TNC: variants seen among roughly 807,000 people sequenced by gnomAD.
The protein encoded by TNC is tenascin C.
In TNC, 109 loss-of-function variants were observed where a neutral mutation model predicts 202.4. The ratio of observed to expected loss-of-function variants is 0.54; its 90% CI spans 0.46 to 0.63. The LOEUF (loss-of-function observed/expected upper bound fraction) is 0.63, where lower values mean the gene tolerates loss of function less well. Ranked by LOEUF, TNC falls within the 30% of genes least tolerant of loss-of-function variation. The pLI, the probability that TNC is intolerant of heterozygous loss-of-function variation, is 0.00. For synonymous variants in TNC, 1,007 were observed against 1,089.7 expected (o/e 0.92, Z 1.50); for missense variants, 2,756 against 2,833.3 (o/e 0.97, Z 0.62).
At position 115,109,506 on chromosome 9, in the gene TNC, G is replaced by A. The variant is rs1836876677; in HGVS notation, c.-137+8476C>T. 3.3e-5 allele frequency among the ~76,000 whole-genome samples: 5 copies of A among 152,148 alleles called. No individual in the cohort carries two copies. In the South Asian group the frequency reaches 1.0e-3, roughly 32 times the overall value. On this transcript the variant is annotated intron_variant, in intron 1 of 27. Transcript: ENST00000350763. ...TCTTGTGGGCTGTGAGCTTCTCCATGTCCTAAGATAGAGAGCTCTTTGTCT... is the reference window on the plus strand; with the variant it reads ...TCTTGTGGGCTGTGAGCTTCTCCATATCCTAAGATAGAGAGCTCTTTGTCT...
At chr9:115,087,711 T>TC (rs1834899396) in intron 2 of TNC, among the ~76,000 whole-genome samples, 1 of 147,878 alleles carries the variant, frequency 6.8e-6, no homozygotes, top group African/African-American at 2.5e-5. Flanking sequence ...TTTTTTTTTT[T>TC]TTTTTTTTGA....
At chr9:115,075,556 G>A (rs1411735581) in intron 9 of TNC, among the ~76,000 whole-genome samples, 1 of 152,152 alleles carries the variant, frequency 6.6e-6, no homozygotes, top group African/African-American at 2.4e-5. Flanking sequence ...GGAGGCCGAG[G>A]TGGGCGGATC....
rs1372347098 is a variant in TNC at position 115,090,644 on chromosome 9, T to C, written c.375A>G (p.Arg125=). Residue 125 remains arginine (R), a synonymous_variant, in exon 2 of 28, where the codon AGA becomes AGG. Coordinates refer to ENST00000350763, the MANE Select transcript of TNC (RefSeq NM_002160.4). ...AAPDVKELLS[R]LEELENLVSS... ...ACACCAGGTTCTCCAGCTCCTCCAG[T>C]CTGCTCAGCAGCTCCTTAACATCAG... The C allele has an allele frequency of 1.9e-6, 3 of 1,613,268 alleles. No individual in the cohort carries two copies. The highest frequency in any genetic ancestry group is 2.5e-6 in the Non-Finnish European group (3 of 1,179,346).
chr9:115,024,420 G>A (rs1412641462), intron 26 of TNC, among the ~76,000 whole-genome samples: 1 of 152,156 alleles, frequency 6.6e-6, no homozygotes, highest in Non-Finnish European at 1.5e-5. Flanking sequence ...CTGTGACCTT[G>A]CACAAGTCAA....
At chr9:115,109,791 A>G (rs1836899850) in intron 1 of TNC, among the ~76,000 whole-genome samples, 1 of 152,214 alleles carries the variant, frequency 6.6e-6, no homozygotes, top group Non-Finnish European at 1.5e-5. Flanking sequence ...TCCTCCTATC[A>G]CATGTTGTGT....
chr9:115,024,484 T>C (rs1829324507), intron 26 of TNC, among the ~76,000 whole-genome samples: 1 of 152,224 alleles, frequency 6.6e-6, no homozygotes, highest in African/African-American at 2.4e-5. Flanking sequence ...AGCACTTTGA[T>C]TCTATATACT....
In TNC at chr9:115,020,212, A is replaced by ATT. The variant is rs34728754; in HGVS notation, c.*943_*944dup. ...CGCACTACCACGCTTGCCTAATTAA[A>ATT]TTTTTTTTTTTTTTTTTTTCTGTAG... On this transcript the variant is annotated 3_prime_UTR_variant, in exon 28 of 28. Transcript: ENST00000350763. 1,685 of 128,362 alleles carry ATT rather than the reference A, an allele frequency of 0.013. 29 individuals are homozygous for ATT. Among genetic ancestry groups the ATT allele is most frequent in the African/African-American group, 0.031 (1,036 of 33,914 alleles). 8.0% of individuals were successfully genotyped at this position (128,362 alleles called of 1,614,324 possible). A position where few individuals can be genotyped will look rare whatever the true frequency, so the allele number is the denominator to read the frequency against.
chr9:115,052,877 T>A (rs1831808906), intron 15 of TNC: 1 of 702,734 alleles, frequency 1.4e-6, no homozygotes. Flanking sequence ...TGTGAATTGC[T>A]GGGACTCATG....
At position 115,046,426 on chromosome 9, in the gene TNC, A is replaced by G. The variant is rs139558312; in HGVS notation, c.5109T>C (p.Ser1703=). The G allele has an allele frequency of 1.3e-4, 204 of 1,613,942 alleles. No individual in the cohort carries two copies. Among genetic ancestry groups the G allele is most frequent in the Non-Finnish European group, 1.7e-4 (196 of 1,179,964 alleles). ...ISKGRRSQTV[S]AIATTAMGSP... ...TTACAGTACCTGTTGTTGCTATAGC[A>G]CTGACTGTCTGGGATCGCCTTCCTT... Residue 1703 remains serine, a synonymous_variant, in exon 17 of 28, where the codon AGT becomes AGC. Coordinates refer to ENST00000350763, the MANE Select transcript of TNC (RefSeq NM_002160.4).
At chr9:115,040,840 G>A in intron 19 of TNC, 101 bp downstream of exon 19, 1 of 1,428,394 alleles carries the variant, frequency 7.0e-7, no homozygotes, top group East Asian at 2.4e-5. Flanking sequence ...CAGCTGCTGA[G>A]TCATGAGCTA....
chr9:115,095,662 A>G lies in TNC; in HGVS notation c.-136-4508T>C, dbSNP rs1246335348. Among the ~76,000 whole-genome samples the G allele has an allele frequency of 2.0e-3, 61 of 29,944 alleles. 6 individuals are homozygous for G. Among genetic ancestry groups the G allele is most frequent in the South Asian group, 4.5e-3 (3 of 666 alleles). 19.6% of individuals were successfully genotyped at this position (29,944 alleles called of 152,430 possible). A position where few individuals can be genotyped will look rare whatever the true frequency, so the allele number is the denominator to read the frequency against. ...TGTATATATATATGTATATATATGTATATATATATGTATATATATGTATAT... is the reference window on the plus strand; with the variant it reads ...TGTATATATATATGTATATATATGTGTATATATATGTATATATATGTATAT... On this transcript the variant is annotated intron_variant, in intron 1 of 27. Coordinates refer to ENST00000350763, the MANE Select transcript of TNC (RefSeq NM_002160.4).
chr9:115,098,613 G>A (rs962950686), intron 1 of TNC, among the ~76,000 whole-genome samples: 1 of 152,146 alleles, frequency 6.6e-6, no homozygotes, highest in African/African-American at 2.4e-5. Context: ...GTAGCTCATG[G>A]AATATATTTA....
At chr9:115,055,234 T>C (rs1434443774) in intron 15 of TNC, among the ~76,000 whole-genome samples, 2 of 152,204 alleles carry the variant, frequency 1.3e-5, no homozygotes, top group African/African-American at 2.4e-5. Flanking sequence ...GTTAACTTTA[T>C]ACAAACAAAC....
At chr9:115,030,173 A>G in intron 24 of TNC, 81 bp downstream of exon 24, 1 of 1,426,718 alleles carries the variant, frequency 7.0e-7, no homozygotes. Flanking sequence ...TCAGGAGGAG[A>G]TCACCCTCTT....
intron 25 of TNC, among the ~76,000 whole-genome samples, chr9:115,026,925 A>G (rs1439062964): frequency 2.0e-5 from 3 of 152,044 alleles, no homozygotes; most frequent in Non-Finnish European, 2.9e-5. Context: ...CCTGGCCAAC[A>G]TGGCGAAACC....
chr9:115,116,370 A>G (rs1016208679), intron 1 of TNC, among the ~76,000 whole-genome samples: 8 of 152,196 alleles, frequency 5.3e-5, no homozygotes, highest in African/African-American at 1.7e-4. Context: ...CCTTCCTGAA[A>G]TGCAAGGGCC....
At chr9:115,024,917 C>G (rs955976637) in intron 26 of TNC, among the ~76,000 whole-genome samples, 6 of 152,182 alleles carry the variant, frequency 3.9e-5, no homozygotes, top group African/African-American at 1.2e-4. Flanking sequence ...ACAAACATTT[C>G]AAGACTCTGA....
intron 1 of TNC, among the ~76,000 whole-genome samples, chr9:115,098,999 A>C (rs1388054988): frequency 7.1e-6 from 1 of 140,916 alleles, no homozygotes; most frequent in Non-Finnish European, 1.5e-5. Flanking sequence ...AGTCCGGTGC[A>C]ACCTGTGTCA....
chr9:115,089,371 A>T (rs1835034060), intron 2 of TNC, among the ~76,000 whole-genome samples: 1 of 152,242 alleles, frequency 6.6e-6, no homozygotes, highest in Non-Finnish European at 1.5e-5. Context: ...GGAGATAAAG[A>T]CATAATTCCA....
Sources: gnomAD v4.1 joint callset for allele counts (sites outside exome capture counted in the v4.1 genomes callset) on GRCh38, gnomAD v4.1.1 for gene constraint, MANE v1.5 for transcripts, NCBI Gene and HGNC (gene_info 2026-07-23, HGNC 2026-07-21) for gene names.